Variants in AIM2 observed in about 807,000 individuals in gnomAD.
The protein encoded by AIM2 is interferon-inducible protein AIM2.
AIM2 carries 30 observed loss-of-function variants against 27.7 expected under a neutral mutation model. That is an observed-to-expected ratio of 1.08 (90% CI 0.81 to 1.47). The LOEUF (loss-of-function observed/expected upper bound fraction) is 1.47, where lower values mean the gene tolerates loss of function less well. AIM2 is among the 40% of genes most tolerant of loss of function. AIM2 has a pLI of 0.00. For missense variants in AIM2, 358 were observed against 411.3 expected, an observed-to-expected ratio of 0.87 and a Z score of 1.12; for synonymous variants, 141 against 145.3, an observed-to-expected ratio of 0.97 and a Z score of 0.21.
chr1:159,072,869 G>C (rs1486880735), intron 2 of AIM2, among the ~76,000 whole-genome samples: 1 of 152,206 alleles, frequency 6.6e-6, no homozygotes, highest in Non-Finnish European at 1.5e-5. Flanking sequence ...CAAGACTTCA[G>C]TAGAATGTGA....
chr1:159,104,578 C>T (rs1265074487), intron 1 of AIM2, among the ~76,000 whole-genome samples: 1 of 152,100 alleles, frequency 6.6e-6, no homozygotes, highest in Non-Finnish European at 1.5e-5. Context: ...ACTTCAAAGA[C>T]TTAATACAAA....
Position 159,075,611 on chromosome 1 carries a change from T to TAGAG in AIM2, c.-21+1018_-21+1021dup, listed in dbSNP as rs368061118. 1.5e-3 allele frequency among the ~76,000 whole-genome samples: 221 copies of TAGAG among 145,758 alleles called. 1 individual carries two copies. Among genetic ancestry groups the TAGAG allele is most frequent in the African/African-American group, 5.3e-3 (208 of 39,282 alleles). ...GCTATACCTGCTATATATATATATA[T>TAGAG]AGAGAGAGAGAGAGAGAGAGAGAGC... On this transcript the variant is annotated intron_variant, in intron 1 of 5. Transcript: ENST00000368130.
chr1:159,108,616 G>A (rs1232062540), intron 1 of AIM2, among the ~76,000 whole-genome samples: 1 of 152,076 alleles, frequency 6.6e-6, no homozygotes, highest in Non-Finnish European at 1.5e-5. Context: ...GCTGTTTGTG[G>A]CGATATCATA....
At chr1:159,143,283 G>T (rs1570987155), upstream of AIM2, among the ~76,000 whole-genome samples, 1 of 152,216 alleles carries the variant, frequency 6.6e-6, no homozygotes, top group African/African-American at 2.4e-5. Flanking sequence ...ACACAAGGGG[G>T]AAAGCAGCTA....
At chr1:159,100,284 A>G (rs1161990606) in intron 1 of AIM2, among the ~76,000 whole-genome samples, 3 of 152,250 alleles carry the variant, frequency 2.0e-5, no homozygotes, top group Non-Finnish European at 2.9e-5. Context: ...CTTTAAAAAA[A>G]TCTATCTGGT....
chr1:159,091,855 T>TA (rs1657052108), intron 1 of AIM2, among the ~76,000 whole-genome samples: 1 of 152,154 alleles, frequency 6.6e-6, no homozygotes, highest in Admixed American at 6.5e-5. Flanking sequence ...CTGTCACCTA[T>TA]AAAAATATTC....
chr1:159,126,202 C>T lies in AIM2; in HGVS notation c.-16+14229G>A, dbSNP rs190080056. ...TCTGAGAATGGAAGTCAGGGAAGGACGAAGGAAAATGCAAGACTAAACTGC... is the reference window on the plus strand; with the variant it reads ...TCTGAGAATGGAAGTCAGGGAAGGATGAAGGAAAATGCAAGACTAAACTGC... On this transcript the variant is annotated intron_variant, in intron 1 of 2. Coordinates refer to the AIM2 transcript ENST00000368129. Among the ~76,000 whole-genome samples, 178 of 152,230 alleles carry T rather than the reference C, an allele frequency of 1.2e-3. 2 individuals are homozygous for T. Among genetic ancestry groups the T allele is most frequent in the Middle Eastern group, 3.4e-3 (1 of 294 alleles).
chr1:159,059,422 G>C (rs1201828976), downstream of AIM2, among the ~76,000 whole-genome samples: 1 of 152,186 alleles, frequency 6.6e-6, no homozygotes, highest in South Asian at 2.1e-4. Context: ...GAAGTTCAGA[G>C]AGATTGAGTG....
At chr1:159,123,716 C>T (rs1346717401) in intron 1 of AIM2, 1 of 152,220 alleles carries the variant, frequency 6.6e-6, no homozygotes, top group Non-Finnish European at 1.5e-5. Flanking sequence ...CGCCAACCTA[C>T]AACAAGCGGG....
upstream of AIM2, among the ~76,000 whole-genome samples, chr1:159,077,361 A>C (rs1656649005): frequency 6.6e-6 from 1 of 152,234 alleles, no homozygotes; most frequent in South Asian, 2.1e-4. Context: ...TCTTGACTAA[A>C]GATGGTTAAT....
At position 159,073,470 on chromosome 1, in the gene AIM2, C is replaced by T. The variant is rs1557895360; in HGVS notation, c.30G>A (p.Leu10=). 1 of 1,614,092 alleles carries T rather than the reference C, an allele frequency of 6.2e-7. No individual in the cohort carries two copies. ...CAGTGATGTTATCCAGGCCTGTTAG[C>T]AAGAGTATCTCCTTGTATTTACTCT... MESKYKEIL[L]LTGLDNITDE... Residue 10 remains leucine, a synonymous_variant, in exon 2 of 6, where the codon TTG becomes TTA. Transcript: ENST00000368130.
upstream of AIM2, chr1:159,081,593 C>G (rs1046414091): frequency 4.7e-6 from 2 of 428,858 alleles, no homozygotes; most frequent in Non-Finnish European, 9.5e-6. Context: ...TGTCACCATT[C>G]GTCTTTCTTC....
At chr1:159,115,240 T>C (rs377241215) in intron 1 of AIM2, among the ~76,000 whole-genome samples, 2 of 152,080 alleles carry the variant, frequency 1.3e-5, no homozygotes, top group East Asian at 1.9e-4. Flanking sequence ...ATCAATATCG[T>C]GAAAATGGCC....
At chr1:159,090,611 A>G (rs1657022513) in intron 1 of AIM2, among the ~76,000 whole-genome samples, 1 of 152,124 alleles carries the variant, frequency 6.6e-6, no homozygotes, top group African/African-American at 2.4e-5. Context: ...CAAGTCCAAA[A>G]CTTTACCTTA....
chr1:159,145,488 A>C (rs928579613), upstream of AIM2, among the ~76,000 whole-genome samples: 4 of 152,190 alleles, frequency 2.6e-5, no homozygotes, highest in Non-Finnish European at 5.9e-5. Context: ...TCCAGGTAAC[A>C]ATTCAGCATG....
downstream of AIM2, among the ~76,000 whole-genome samples, chr1:159,062,060 CT>C (rs566006758): frequency 2.7e-5 from 4 of 150,608 alleles, no homozygotes; most frequent in East Asian, 1.9e-4. Context: ...GTTGTTGTAG[CT>C]TTTTTTTTAG....
At chr1:159,124,296 C>G (rs1027019858) in intron 1 of AIM2, among the ~76,000 whole-genome samples, 1 of 152,072 alleles carries the variant, frequency 6.6e-6, no homozygotes, top group African/African-American at 2.4e-5. Context: ...CAATGCAGTT[C>G]GATATGGACT....
chr1:159,068,045 T>C (rs1311735399), intron 3 of AIM2, among the ~76,000 whole-genome samples: 1 of 151,992 alleles, frequency 6.6e-6, no homozygotes, highest in Non-Finnish European at 1.5e-5. Flanking sequence ...AACAGAGGCA[T>C]GCCAGACCGA....
At chr1:159,087,573 C>CTT (rs55908329) in intron 1 of AIM2, among the ~76,000 whole-genome samples, 4 of 116,814 alleles carry the variant, frequency 3.4e-5, no homozygotes, top group African/African-American at 8.3e-5. Flanking sequence ...TGGATAAAGT[C>CTT]TTTTTTTTTT....
Sources: allele counts gnomAD v4.1 joint callset (sites outside exome capture counted in the v4.1 genomes callset), GRCh38; gene constraint gnomAD v4.1.1; transcripts MANE v1.5; gene names NCBI Gene and HGNC (gene_info 2026-07-23, HGNC 2026-07-21).